Variants in LRRC7 observed in about 807,000 individuals in gnomAD.
LRRC7 encodes leucine rich repeat containing 7.
LRRC7 carries 23 observed loss-of-function variants against 175.7 expected under a neutral mutation model. The observed-to-expected ratio is 0.13, with a 90% CI of 0.09 to 0.19. The LOEUF is 0.19. LRRC7 is among the 10% of genes least tolerant of loss of function. The pLI, the probability that LRRC7 is intolerant of heterozygous loss-of-function variation, is 1.00. For synonymous variants in LRRC7, 685 were observed against 680.9 expected, an observed-to-expected ratio of 1.01 and a Z score of -0.09; for missense variants, 1,354 against 1,904.7, an observed-to-expected ratio of 0.71 and a Z score of 5.38.
intron 3 of LRRC7, among the ~76,000 whole-genome samples, chr1:69,783,584 C>G (rs1674033383): frequency 6.6e-6 from 1 of 151,776 alleles, no homozygotes; most frequent in Admixed American, 6.6e-5. Flanking sequence ...AACCCTGTCT[C>G]TACTAAAAAT....
intron 10 of LRRC7, among the ~76,000 whole-genome samples, chr1:69,988,229 C>T (rs983313497): frequency 6.6e-6 from 1 of 152,064 alleles, no homozygotes; most frequent in Non-Finnish European, 1.5e-5. Flanking sequence ...AAGAACTGTG[C>T]CTGGCATATT....
At chr1:69,957,802 A>C (rs1450913569) in intron 8 of LRRC7, among the ~76,000 whole-genome samples, 1 of 151,990 alleles carries the variant, frequency 6.6e-6, no homozygotes, top group African/African-American at 2.4e-5. Context: ...TATCAGTAAA[A>C]AGAAATTTCA....
At chr1:69,887,002 G>A (rs1570506308) in intron 7 of LRRC7, among the ~76,000 whole-genome samples, 1 of 151,466 alleles carries the variant, frequency 6.6e-6, no homozygotes, top group Non-Finnish European at 1.5e-5. Context: ...TAGTCTGATG[G>A]GCTTCCCTTT....
intron 1 of LRRC7, among the ~76,000 whole-genome samples, chr1:69,573,305 C>T (rs776397064): frequency 3.3e-5 from 5 of 152,122 alleles, no homozygotes. Flanking sequence ...AATTGAAGTT[C>T]GGTAAATAAC....
chr1:69,576,698 G>A (rs1645963980), intron 1 of LRRC7, among the ~76,000 whole-genome samples: 1 of 152,108 alleles, frequency 6.6e-6, no homozygotes, highest in Admixed American at 6.6e-5. Context: ...TCACATATCA[G>A]CACATTAGCT....
At chr1:69,751,873 A>G (rs956608792) in intron 2 of LRRC7, among the ~76,000 whole-genome samples, 1 of 152,226 alleles carries the variant, frequency 6.6e-6, no homozygotes, top group Admixed American at 6.5e-5. Context: ...TCTTGATTTC[A>G]TGTTTATTTG....
At chr1:69,949,566 T>TAG (rs10537023) in intron 8 of LRRC7, among the ~76,000 whole-genome samples, 23 of 151,214 alleles carry the variant, frequency 1.5e-4, no homozygotes, top group Middle Eastern at 3.4e-3. Context: ...CAAAGAAAAA[T>TAG]AGAGAGAGAG....
chr1:69,959,074 G>A (rs993630208), intron 8 of LRRC7, among the ~76,000 whole-genome samples: 1 of 152,022 alleles, frequency 6.6e-6, no homozygotes, highest in African/African-American at 2.4e-5. Context: ...GAGTTGAAAA[G>A]CAAGATGAGG....
At chr1:69,926,948 G>T (rs1302666599) in intron 7 of LRRC7, among the ~76,000 whole-genome samples, 2 of 152,180 alleles carry the variant, frequency 1.3e-5, no homozygotes, top group East Asian at 1.9e-4. Flanking sequence ...GCTGGTACCG[G>T]TTGTTCCTTT....
chr1:69,823,046 C>T (rs1411559011), intron 4 of LRRC7, among the ~76,000 whole-genome samples: 1 of 152,094 alleles, frequency 6.6e-6, no homozygotes, highest in Non-Finnish European at 1.5e-5. Context: ...GTATAATTTT[C>T]TTATTCCAAA....
At chr1:69,918,482 AT>A (rs200152779) in intron 7 of LRRC7, among the ~76,000 whole-genome samples, 9 of 152,156 alleles carry the variant, frequency 5.9e-5, no homozygotes, top group East Asian at 1.9e-4. Context: ...TAAAAGGAAC[AT>A]TTTTTTTGGA....
At chr1:70,118,606 C>T (rs1666016580) in intron 26 of LRRC7, among the ~76,000 whole-genome samples, 1 of 152,030 alleles carries the variant, frequency 6.6e-6, no homozygotes, top group Non-Finnish European at 1.5e-5. Flanking sequence ...CTTATTATTT[C>T]AATGAAGTAA....
chr1:70,122,044 G>C lies in LRRC7; in HGVS notation c.*157G>C. 3.8e-6 allele frequency: 2 copies of C among 527,956 alleles called. No homozygotes were observed. Among genetic ancestry groups the C allele is most frequent in the Non-Finnish European group, 6.7e-6 (2 of 298,088 alleles). The allele number at this position is 527,956 out of a possible 1,614,324, so 32.7% of individuals were successfully genotyped here. ...TTAGCACTGACCATCCTTAAAAAAT[G>C]TTAACTCTATAAATATGATGTTCAT... On this transcript the variant is annotated 3_prime_UTR_variant, in exon 27 of 27. Coordinates refer to ENST00000651989, the MANE Select transcript of LRRC7 (RefSeq NM_001370785.2).
intron 2 of LRRC7, among the ~76,000 whole-genome samples, chr1:69,703,895 C>T (rs985425325): frequency 6.6e-6 from 1 of 151,884 alleles, no homozygotes; most frequent in Non-Finnish European, 1.5e-5. Flanking sequence ...TTATCTAAAG[C>T]GTTTACCATT....
chr1:69,815,673 G>A (rs1236642675), intron 4 of LRRC7, among the ~76,000 whole-genome samples: 1 of 152,166 alleles, frequency 6.6e-6, no homozygotes, highest in Admixed American at 6.5e-5. Context: ...TGTACTTCAA[G>A]AAGCTCTTTC....
chr1:69,745,101 C>G (rs1009204711), intron 2 of LRRC7, among the ~76,000 whole-genome samples: 1 of 151,864 alleles, frequency 6.6e-6, no homozygotes, highest in Non-Finnish European at 1.5e-5. Context: ...ACTAAAATTG[C>G]AAAGCTATGG....
At chr1:69,614,447 T>A (rs1319047809) in intron 1 of LRRC7, among the ~76,000 whole-genome samples, 2 of 152,084 alleles carry the variant, frequency 1.3e-5, no homozygotes, top group Non-Finnish European at 2.9e-5. Flanking sequence ...CTATTTTCTT[T>A]GCCACTAAAA....
At chr1:70,053,249 A>G in intron 23 of LRRC7, 104 bp downstream of exon 23, 2 of 1,127,722 alleles carry the variant, frequency 1.8e-6, no homozygotes, top group South Asian at 4.9e-5. Flanking sequence ...GTTTGTGATA[A>G]CTTTAAGGTA....
intron 22 of LRRC7, among the ~76,000 whole-genome samples, chr1:70,049,068 A>G (rs536506125): frequency 1.1e-4 from 17 of 152,254 alleles, no homozygotes; most frequent in African/African-American, 3.8e-4. Context: ...ATCCACTGCT[A>G]GTTGGCTTAT....
Sources: gnomAD v4.1 joint callset for allele counts (sites outside exome capture counted in the v4.1 genomes callset) on GRCh38, gnomAD v4.1.1 for gene constraint, MANE v1.5 for transcripts, NCBI Gene and HGNC (gene_info 2026-07-23, HGNC 2026-07-21) for gene names.